BBS9: variants seen among roughly 807,000 people sequenced by gnomAD.
BBS9 encodes protein PTHB1.
A neutral mutation model predicts 117.7 loss-of-function variants in BBS9; 89 were observed. The observed-to-expected ratio is 0.76, with a 90% CI of 0.64 to 0.90. The LOEUF (loss-of-function observed/expected upper bound fraction) is 0.90, where lower values mean the gene tolerates loss of function less well. Ranked by LOEUF, BBS9 falls within the 40% of genes least tolerant of loss-of-function variation. The pLI, the probability that BBS9 is intolerant of heterozygous loss-of-function variation, is 0.00. For missense variants in BBS9, 982 were observed against 1,042.2 expected, an observed-to-expected ratio of 0.94 and a Z score of 0.80; for synonymous variants, 379 against 370.9, an observed-to-expected ratio of 1.02 and a Z score of -0.25.
At chr7:33,591,730 C>T (rs1478350764) in intron 21 of BBS9, among the ~76,000 whole-genome samples, 1 of 152,022 alleles carries the variant, frequency 6.6e-6, no homozygotes, top group Non-Finnish European at 1.5e-5. Context: ...GCAAACCTAC[C>T]ACTGTTTTAC....
intron 1 of BBS9, among the ~76,000 whole-genome samples, chr7:33,133,070 G>A (rs930213531): frequency 6.6e-6 from 1 of 152,056 alleles, no homozygotes; most frequent in Non-Finnish European, 1.5e-5. Context: ...GATTACAGGT[G>A]TGTGCCACCA....
At chr7:33,271,193 C>T (rs1799729118) in intron 7 of BBS9, among the ~76,000 whole-genome samples, 1 of 152,160 alleles carries the variant, frequency 6.6e-6, no homozygotes, top group South Asian at 2.1e-4. Flanking sequence ...ACCTGCCTTA[C>T]TAGAGCTCCT....
intron 19 of BBS9, among the ~76,000 whole-genome samples, chr7:33,426,176 A>T (rs752427365): frequency 1.3e-5 from 2 of 152,192 alleles, no homozygotes; most frequent in Non-Finnish European, 2.9e-5. Flanking sequence ...CAGCTTACTT[A>T]TAATAGGAAT....
chr7:33,395,417 T>C (rs909895735), intron 19 of BBS9, among the ~76,000 whole-genome samples: 2 of 152,160 alleles, frequency 1.3e-5, no homozygotes, highest in Non-Finnish European at 2.9e-5. Context: ...TGGAAGAAAT[T>C]AGACTTACCC....
At chr7:33,313,434 C>A (rs775620432) in intron 9 of BBS9, among the ~76,000 whole-genome samples, 6 of 152,120 alleles carry the variant, frequency 3.9e-5, no homozygotes, top group Non-Finnish European at 8.8e-5. Context: ...AAAGTTACAT[C>A]ATTTTCTTTT....
chr7:33,165,797 A>G (rs1298360469), intron 4 of BBS9, among the ~76,000 whole-genome samples: 1 of 152,108 alleles, frequency 6.6e-6, no homozygotes, highest in East Asian at 1.9e-4. Flanking sequence ...TTTAGCTTGG[A>G]GAAGTTTGTT....
intron 5 of BBS9, among the ~76,000 whole-genome samples, chr7:33,203,717 A>ACTTTCCTTTT (rs1554342416): frequency 2.7e-5 from 4 of 150,638 alleles, no homozygotes; most frequent in Non-Finnish European, 3.0e-5. Flanking sequence ...TTGGAACACT[A>ACTTTCCTTTT]CTTTTCTTTT....
At chr7:33,362,119 A>G (rs555708073) in intron 16 of BBS9, among the ~76,000 whole-genome samples, 9 of 152,154 alleles carry the variant, frequency 5.9e-5, no homozygotes, top group Non-Finnish European at 1.3e-4. Flanking sequence ...CTAGAATTTT[A>G]TAAAATGGAA....
intron 15 of BBS9, among the ~76,000 whole-genome samples, chr7:33,356,017 G>A (rs890459904): frequency 6.6e-6 from 1 of 151,850 alleles, no homozygotes; most frequent in Non-Finnish European, 1.5e-5. Flanking sequence ...GAATTTGGTT[G>A]AAAGTGTATA....
At chr7:33,409,234 C>G (rs1830662132) in intron 19 of BBS9, among the ~76,000 whole-genome samples, 1 of 152,168 alleles carries the variant, frequency 6.6e-6, no homozygotes, top group Non-Finnish European at 1.5e-5. Flanking sequence ...GTTGCCACAG[C>G]TGATATTGAG....
At chr7:33,278,021 A>T (rs1379392020) in intron 9 of BBS9, among the ~76,000 whole-genome samples, 3 of 152,124 alleles carry the variant, frequency 2.0e-5, no homozygotes, top group Non-Finnish European at 4.4e-5. Context: ...ATTTTTACTT[A>T]AACTATAGAC....
intron 9 of BBS9, among the ~76,000 whole-genome samples, chr7:33,308,063 G>A (rs1415413281): frequency 6.6e-6 from 1 of 152,166 alleles, no homozygotes; most frequent in Non-Finnish European, 1.5e-5. Flanking sequence ...CTGGGATTGG[G>A]ATTTCATTGT....
intron 19 of BBS9, among the ~76,000 whole-genome samples, chr7:33,440,677 T>G (rs1836029894): frequency 6.6e-6 from 1 of 152,210 alleles, no homozygotes; most frequent in African/African-American, 2.4e-5. Context: ...AAAAACGTAC[T>G]GAATCACAGC....
intron 2 of BBS9, among the ~76,000 whole-genome samples, chr7:33,146,817 AT>A (rs1392830104): frequency 6.6e-6 from 1 of 151,684 alleles, no homozygotes; most frequent in African/African-American, 2.4e-5. Context: ...TTTTAATAAT[AT>A]TTAGGTATCA....
chr7:33,402,715 T>A (rs545889350), intron 19 of BBS9, among the ~76,000 whole-genome samples: 1 of 152,314 alleles, frequency 6.6e-6, no homozygotes, highest in Admixed American at 6.5e-5. Context: ...TATCTTAGAA[T>A]CAGGCAGTAC....
intron 20 of BBS9, among the ~76,000 whole-genome samples, chr7:33,522,667 C>G (rs1381933316): frequency 2.7e-4 from 41 of 150,430 alleles, no homozygotes; most frequent in African/African-American, 7.3e-4. Context: ...AGATGAGTAG[C>G]TTGCGAAAAT....
chr7:33,504,472 A>G (rs1585050059), intron 19 of BBS9, among the ~76,000 whole-genome samples: 1 of 152,304 alleles, frequency 6.6e-6, no homozygotes, highest in African/African-American at 2.4e-5. Context: ...GCCCGTGTCA[A>G]TAAACCGTGA....
chr7:33,155,145 A>T (rs183030214), intron 3 of BBS9, among the ~76,000 whole-genome samples: 1 of 152,342 alleles, frequency 6.6e-6, no homozygotes, highest in Non-Finnish European at 1.5e-5. Flanking sequence ...AAAATTTCAG[A>T]TATGGAAGTG....
At chr7:33,262,654 C>G (rs1291764952) in intron 6 of BBS9, among the ~76,000 whole-genome samples, 4 of 152,186 alleles carry the variant, frequency 2.6e-5, no homozygotes, top group Non-Finnish European at 1.5e-5. Context: ...CTGAGATCTT[C>G]TCCCTCTTAC....
Sources: gnomAD v4.1 joint callset for allele counts (sites outside exome capture counted in the v4.1 genomes callset) on GRCh38, gnomAD v4.1.1 for gene constraint, MANE v1.5 for transcripts, NCBI Gene and HGNC (gene_info 2026-07-23, HGNC 2026-07-21) for gene names.